Variants in CDC42 observed in about 807,000 individuals in gnomAD.
CDC42 encodes the protein cell division cycle 42, also known as cell division control protein 42 homolog.
CDC42 carries 1 observed loss-of-function variant against 20.8 expected under a neutral mutation model. That is an observed-to-expected ratio of 0.05 (90% CI 0.02 to 0.23). The LOEUF is 0.23. Ranked by LOEUF, CDC42 falls within the 10% of genes least tolerant of loss-of-function variation. CDC42 has a pLI of 1.00. For missense variants in CDC42, 49 were observed against 227.9 expected, an observed-to-expected ratio of 0.21 and a Z score of 5.05; for synonymous variants, 72 against 84.8, an observed-to-expected ratio of 0.85 and a Z score of 0.83.
chr1:22,087,900 T>C (rs1378061600), intron 5 of CDC42, among the ~76,000 whole-genome samples: 2 of 152,208 alleles, frequency 1.3e-5, no homozygotes, highest in Non-Finnish European at 2.9e-5. Context: ...GCCTAGTGCA[T>C]AATTTAATAG....
At chr1:22,068,494 C>T (rs928670130) in intron 1 of CDC42, 1 of 153,178 alleles carries the variant, frequency 6.5e-6, no homozygotes, top group Non-Finnish European at 1.5e-5. Flanking sequence ...CTAGCCATTT[C>T]TTCTTCATCT....
rs571796710 is a variant in CDC42 at position 22,095,202 on chromosome 1, C to T, written c.*3685C>T. Among the ~76,000 whole-genome samples, 21 of 152,150 alleles carry T rather than the reference C, an allele frequency of 1.4e-4. No individual in the cohort carries two copies. In the South Asian group the frequency reaches 3.5e-3, roughly 26 times the overall value. ...CTGTAAGTCTTACTCTGTATCTACCCGACTTCAGATCATGGTGATTTAATT... is the reference window on the plus strand; with the variant it reads ...CTGTAAGTCTTACTCTGTATCTACCTGACTTCAGATCATGGTGATTTAATT... On this transcript the variant is annotated 3_prime_UTR_variant, in exon 6 of 6. Transcript: ENST00000656825.
intron 1 of CDC42, among the ~76,000 whole-genome samples, chr1:22,064,717 T>C (rs1018391404): frequency 3.3e-5 from 5 of 150,970 alleles, no homozygotes; most frequent in Non-Finnish European, 7.4e-5. Context: ...AGTCTCACTC[T>C]GTTGCCCAGC....
At chr1:22,086,373 T>G in intron 3 of CDC42, 66 bp from the exon 4 acceptor site, 1 of 1,055,626 alleles carries the variant, frequency 9.5e-7, no homozygotes, top group Admixed American at 2.1e-5. Context: ...ACCAGCATGC[T>G]TTTAACACTT....
rs200130493 is a variant in CDC42, at chr1:22,074,667, A to C, written c.-50-3762A>C. On this transcript the variant is annotated intron_variant, in intron 1 of 5. Coordinates refer to ENST00000656825, the MANE Select transcript of CDC42 (RefSeq NM_001791.4). Reference sequence around the variant, plus strand: ...ACTCCTCAGCTCTAGTGATCTTCCCACTTTGGCCTCCCAAAGTGCAAGGAT... The same window carrying C: ...ACTCCTCAGCTCTAGTGATCTTCCCCCTTTGGCCTCCCAAAGTGCAAGGAT... 1.3e-4 allele frequency among the ~76,000 whole-genome samples: 20 copies of C among 152,140 alleles called. No individual in the cohort carries two copies. The East Asian group carries it at 3.9e-3, about 29-fold the overall frequency.
At chr1:22,091,303 T>A in intron 5 of CDC42, 125 bp from the exon 6 acceptor site, 1 of 626,260 alleles carries the variant, frequency 1.6e-6, no homozygotes, top group South Asian at 2.0e-5. Context: ...TGTGTTGAGA[T>A]TCAGGGTTGT....
chr1:22,075,591 T>G (rs530829374), intron 1 of CDC42, among the ~76,000 whole-genome samples: 16 of 152,366 alleles, frequency 1.1e-4, no homozygotes, highest in African/African-American at 3.6e-4. Context: ...AAATTCCTTA[T>G]ATTGACTTTA....
At position 22,100,026 on chromosome 1, in the gene CDC42, C is replaced by CTTT. The variant is rs780658203; in HGVS notation, c.*8511_*8512insTTT. On this transcript the variant is annotated 3_prime_UTR_variant, in exon 6 of 6. Transcript: ENST00000656825. ...CCTTTTTTTCTTTCTTCTTCTTCTT[C>CTTT]TTCTTTTTTTTTTTTTTTGTATAAT... 5.2e-5 allele frequency among the ~76,000 whole-genome samples: 3 copies of CTTT among 57,582 alleles called. No individual in the cohort carries two copies. Among genetic ancestry groups the CTTT allele is most frequent in the African/African-American group, 1.3e-4 (2 of 15,212 alleles). The allele number at this position is 57,582 out of a possible 152,430, so 37.8% of individuals were successfully genotyped here.
At chr1:22,063,098 T>C (rs569506545) in intron 1 of CDC42, among the ~76,000 whole-genome samples, 1 of 152,274 alleles carries the variant, frequency 6.6e-6, no homozygotes, top group African/African-American at 2.4e-5. Flanking sequence ...CTTGGACTCA[T>C]AGTTTTTTTT....
intron 1 of CDC42, among the ~76,000 whole-genome samples, chr1:22,066,533 TTA>T (rs1238927795): frequency 6.6e-6 from 1 of 152,220 alleles, no homozygotes; most frequent in Non-Finnish European, 1.5e-5. Context: ...GGAGATTTCC[TTA>T]TTTTTAAAAG....
At chr1:22,060,697 A>G (rs926925715) in intron 1 of CDC42, among the ~76,000 whole-genome samples, 2 of 152,234 alleles carry the variant, frequency 1.3e-5, no homozygotes, top group Non-Finnish European at 2.9e-5. Context: ...TTTTCATTAC[A>G]ACTTTACTAG....
chr1:22,066,329 T>A (rs1418899232), intron 1 of CDC42, among the ~76,000 whole-genome samples: 1 of 151,896 alleles, frequency 6.6e-6, no homozygotes, highest in African/African-American at 2.4e-5. Flanking sequence ...AAGCTGAAAT[T>A]GCGCCACTGT....
chr1:22,084,442 G>A (rs777095112), intron 3 of CDC42, among the ~76,000 whole-genome samples: 6 of 148,280 alleles, frequency 4.0e-5, no homozygotes, highest in Non-Finnish European at 8.9e-5. Flanking sequence ...GTGATGTTGA[G>A]CATCTTATGG....
chr1:22,058,583 A>G (rs1383755093), intron 1 of CDC42, among the ~76,000 whole-genome samples: 1 of 151,936 alleles, frequency 6.6e-6, no homozygotes, highest in Non-Finnish European at 1.5e-5. Context: ...CCCGGGTTCA[A>G]GTGATTCTCC....
chr1:22,091,514 A>G lies in CDC42; in HGVS notation c.573A>G (p.Leu191=), dbSNP rs568740145. 1.9e-5 allele frequency: 31 copies of G among 1,607,290 alleles called. No homozygotes were observed. The highest frequency in any genetic ancestry group is 6.7e-5 in the African/African-American group (5 of 74,732). The stretch of plus-strand genomic sequence containing the variant: ...AGAAGAGCCGCAGGTGTGTGCTGCT[A>G]TGAACATCTCTCCAGAGCCCTTTCT... The part of the protein sequence containing the change: ...EPKKSRRCVL[L] The change falls in exon 6 of 6, where the codon CTA becomes CTG. Residue 191 remains leucine, a synonymous_variant. Coordinates refer to ENST00000656825, the MANE Select transcript of CDC42 (RefSeq NM_001791.4).
At chr1:22,077,994 T>G (rs1177354991) in intron 1 of CDC42, among the ~76,000 whole-genome samples, 1 of 152,232 alleles carries the variant, frequency 6.6e-6, no homozygotes, top group African/African-American at 2.4e-5. Context: ...TGAATAAGGC[T>G]GGATCATGAA....
intron 1 of CDC42, among the ~76,000 whole-genome samples, chr1:22,059,860 C>G (rs1397755731): frequency 6.7e-6 from 1 of 148,864 alleles, no homozygotes; most frequent in Non-Finnish European, 1.5e-5. Context: ...TTTTCAAGGG[C>G]CAGATTGAAT....
At chr1:22,062,043 A>G (rs1569966102) in intron 1 of CDC42, among the ~76,000 whole-genome samples, 1 of 151,748 alleles carries the variant, frequency 6.6e-6, no homozygotes, top group African/African-American at 2.4e-5. Flanking sequence ...GGTTCAAGCA[A>G]TTCTGCCTCA....
At chr1:22,078,024 C>A (rs1053996301) in intron 1 of CDC42, among the ~76,000 whole-genome samples, 2 of 152,150 alleles carry the variant, frequency 1.3e-5, no homozygotes, top group African/African-American at 4.8e-5. Context: ...AAAGCAGTGG[C>A]CTTTGTATTG....
Sources: gnomAD v4.1 joint callset for allele counts (sites outside exome capture counted in the v4.1 genomes callset) on GRCh38, gnomAD v4.1.1 for gene constraint, MANE v1.5 for transcripts, NCBI Gene and HGNC (gene_info 2026-07-23, HGNC 2026-07-21) for gene names.